FOXK2: variants seen among roughly 807,000 people sequenced by gnomAD.
FOXK2 encodes the protein forkhead box protein K2.
Under a neutral mutation model 53.3 loss-of-function variants are expected in FOXK2, and 24 were observed. The observed-to-expected ratio is 0.45, with a 90% CI of 0.33 to 0.63. The LOEUF is 0.63. Among genes scored for constraint, FOXK2 ranks in the 30% least tolerant of loss-of-function variants. The pLI is 0.03. For synonymous variants in FOXK2, 505 were observed against 407.1 expected (o/e 1.24, Z -2.89); for missense variants, 952 against 910.5 (o/e 1.05, Z -0.59).
At chr17:82,540,536 A>G (rs1297449142) in intron 1 of FOXK2, among the ~76,000 whole-genome samples, 1 of 151,474 alleles carries the variant, frequency 6.6e-6, no homozygotes, top group Non-Finnish European at 1.5e-5. Context: ...TGGTTTGTCT[A>G]CTCATGCCCC....
At chr17:82,591,805 TG>T (rs1233657582) in intron 8 of FOXK2, among the ~76,000 whole-genome samples, 1 of 152,228 alleles carries the variant, frequency 6.6e-6, no homozygotes, top group Non-Finnish European at 1.5e-5. Context: ...CAGGCCCTTC[TG>T]CTTCCTGTTT....
intron 2 of FOXK2, among the ~76,000 whole-genome samples, chr17:82,565,478 C>T (rs2044842926): frequency 6.6e-6 from 1 of 152,104 alleles, no homozygotes; most frequent in South Asian, 2.1e-4. Flanking sequence ...AACAAAGAAA[C>T]AAAAGACCCA....
intron 1 of FOXK2, among the ~76,000 whole-genome samples, chr17:82,542,422 T>G (rs1163208236): frequency 6.6e-6 from 1 of 152,142 alleles, no homozygotes; most frequent in Admixed American, 6.5e-5. Context: ...GTCTCTGGCC[T>G]CCCAAAGTGC....
At position 82,586,135 on chromosome 17, in the gene FOXK2, C is replaced by G; in HGVS notation, c.1511C>G (p.Pro504Arg). 1.2e-6 allele frequency: 2 copies of G among 1,612,598 alleles called. No homozygotes were observed. The highest frequency in any genetic ancestry group is 1.3e-5 in the African/African-American group (1 of 75,020). The change falls in exon 7 of 9, where the codon CCG (proline) becomes CGG (arginine). Residue 504 changes from proline to arginine, a missense_variant. Pro to Arg is a moderately radical substitution (Grantham distance 103). Coordinates refer to ENST00000335255, the MANE Select transcript of FOXK2 (RefSeq NM_004514.4). ...YTVSGQAVVT[P>R]AAVLAPPKAE... is the part of the protein sequence containing the mutation. The stretch of plus-strand genomic sequence containing the variant: ...GTCTCTGGACAAGCTGTGGTCACCC[C>G]GGCAGCCGTGCTGGCCCCTCCTAAG...
At chr17:82,540,048 A>G (rs2044559581) in intron 1 of FOXK2, among the ~76,000 whole-genome samples, 2 of 152,172 alleles carry the variant, frequency 1.3e-5, no homozygotes, top group Admixed American at 1.3e-4. Context: ...TGGGAGGCCA[A>G]GGAAGGCGGA....
chr17:82,525,904 C>G (rs12602506), intron 1 of FOXK2, among the ~76,000 whole-genome samples: 6,595 of 122,342 alleles, frequency 0.054, 201 homozygotes, highest in South Asian at 0.12. Flanking sequence ...TTCTTTCTTA[C>G]GTGGCATGAA....
At chr17:82,563,238 TTG>T in intron 1 of FOXK2, 114 bp from the exon 2 acceptor site, 1 of 925,752 alleles carries the variant, frequency 1.1e-6, no homozygotes, top group Non-Finnish European at 1.6e-6. Flanking sequence ...TGAGCTGAGC[TTG>T]GAAGTGTTGC....
At chr17:82,579,500 C>G (rs2045031988) in intron 4 of FOXK2, among the ~76,000 whole-genome samples, 1 of 150,078 alleles carries the variant, frequency 6.7e-6, no homozygotes, top group Non-Finnish European at 1.5e-5. Context: ...GGGCCCAGAT[C>G]CCTCCCACAC....
rs928998428 is a variant in FOXK2 at position 82,519,953 on chromosome 17, G to A, written c.65G>A (p.Gly22Asp). 2.5e-5 allele frequency: 25 copies of A among 1,016,124 alleles called. No homozygotes were observed. Among genetic ancestry groups the A allele is most frequent in the Admixed American group, 6.0e-5 (1 of 16,748 alleles). 62.9% of individuals were successfully genotyped at this position (1,016,124 alleles called of 1,614,324 possible). A position where few individuals can be genotyped will look rare whatever the true frequency, so the allele number is the denominator to read the frequency against. ...GTPPAGGGAG[G>D]GGAGGGGSPP... is the part of the protein sequence containing the mutation. The stretch of plus-strand genomic sequence containing the variant: ...CCACCCGCGGGCGGCGGGGCCGGGG[G>A]CGGCGGGGCCGGGGGCGGCGGGTCC... Residue 22 changes from glycine to aspartate, a missense_variant, in exon 1 of 9, where the codon GGC (glycine) becomes GAC (aspartate). Coordinates refer to ENST00000335255, the MANE Select transcript of FOXK2 (RefSeq NM_004514.4).
At chr17:82,571,990 C>T (rs931713834) in intron 4 of FOXK2, 120 bp downstream of exon 4, 16 of 976,984 alleles carry the variant, frequency 1.6e-5, no homozygotes, top group Admixed American at 7.5e-5. Flanking sequence ...TGGAGCCTCC[C>T]GTGCTGAGAG....
chr17:82,601,052 G>A (rs2045376919), intron 8 of FOXK2: 1 of 472,056 alleles, frequency 2.1e-6, no homozygotes, highest in South Asian at 4.0e-5. Flanking sequence ...TAATCAGGCA[G>A]TTCACTTGCT....
intron 1 of FOXK2, among the ~76,000 whole-genome samples, chr17:82,538,040 A>G (rs1262802055): frequency 2.6e-5 from 4 of 152,082 alleles, no homozygotes; most frequent in African/African-American, 9.7e-5. Flanking sequence ...CTTGGCCAAC[A>G]TGGTGAAACC....
Position 82,519,977 on chromosome 17 carries a change from C to T in FOXK2, c.89C>T (p.Ser30Phe), listed in dbSNP as rs887411700. ...AGGGGAGGGG[S>F]PPGGWAVARL... is the part of the protein sequence containing the mutation. ...GGCGGCGGGGCCGGGGGCGGCGGGT[C>T]CCCGCCGGGCGGCTGGGCCGTGGCG... is the stretch of plus-strand genomic sequence containing the variant. The change falls in exon 1 of 9, where the codon TCC (serine) becomes TTC (phenylalanine). Residue 30 changes from serine (S) to phenylalanine (F), a missense_variant. Ser to Phe is a radical substitution (Grantham distance 155). Around this residue, in one of 5 missense-constraint regions of FOXK2, gnomAD observed 163 missense variants for 165.5 expected, o/e 0.98. Coordinates refer to ENST00000335255, the MANE Select transcript of FOXK2 (RefSeq NM_004514.4). 2 of 1,267,374 alleles carry T rather than the reference C, an allele frequency of 1.6e-6. No homozygotes were observed. The highest frequency in any genetic ancestry group is 1.0e-6 in the Non-Finnish European group (1 of 997,128). 78.5% of individuals were successfully genotyped at this position (1,267,374 alleles called of 1,614,324 possible).
chr17:82,591,702 C>G (rs1400821813), intron 8 of FOXK2, among the ~76,000 whole-genome samples: 1 of 152,214 alleles, frequency 6.6e-6, no homozygotes. Flanking sequence ...TGCATATTCA[C>G]TTCCTCCCAT....
chr17:82,571,967 T>C, intron 4 of FOXK2, 97 bp downstream of exon 4: 2 of 1,266,100 alleles, frequency 1.6e-6, no homozygotes, highest in Non-Finnish European at 2.1e-6. Context: ...GATAGGAAGG[T>C]AGAAGGGGGG....
At chr17:82,544,674 G>C (rs1344569824) in intron 1 of FOXK2, among the ~76,000 whole-genome samples, 2 of 152,168 alleles carry the variant, frequency 1.3e-5, no homozygotes, top group Non-Finnish European at 1.5e-5. Flanking sequence ...TTTCAGGTCA[G>C]ATTTTTTGGA....
At chr17:82,596,547 G>GCCCTGGTGCCCTCGTC (rs1555644203) in intron 8 of FOXK2, among the ~76,000 whole-genome samples, 1 of 152,096 alleles carries the variant, frequency 6.6e-6, no homozygotes, top group Non-Finnish European at 1.5e-5. Context: ...CGCACTTTCT[G>GCCCTGGTGCCCTCGTC]CGGGCAGTCT....
intron 1 of FOXK2, among the ~76,000 whole-genome samples, chr17:82,529,702 A>G (rs1371453044): frequency 6.6e-6 from 1 of 152,234 alleles, no homozygotes; most frequent in East Asian, 1.9e-4. Context: ...TGCCTTTTGT[A>G]AAACAGAGCC....
chr17:82,576,702 CCTT>C (rs1182951346), intron 4 of FOXK2: 5 of 1,047,842 alleles, frequency 4.8e-6, no homozygotes, highest in Non-Finnish European at 7.0e-6. Context: ...TAGTCCTCGG[CCTT>C]CTTTTTCTGC....
Sources: gnomAD v4.1 joint callset for allele counts (sites outside exome capture counted in the v4.1 genomes callset) on GRCh38, gnomAD v4.1.1 for gene constraint, gnomAD v4.1.1 regional missense constraint, MANE v1.5 for transcripts, NCBI Gene and HGNC (gene_info 2026-07-23, HGNC 2026-07-21) for gene names.